Variants in DNAAF4 observed in about 807,000 individuals in gnomAD.
DNAAF4 encodes the protein dynein assembly factor 4, axonemal.
Under a neutral mutation model 51.8 loss-of-function variants are expected in DNAAF4, and 43 were observed. The ratio of observed to expected loss-of-function variants is 0.83; its 90% confidence interval spans 0.65 to 1.07. The LOEUF (loss-of-function observed/expected upper bound fraction) is 1.07, where lower values mean the gene tolerates loss of function less well. Among genes scored for constraint, DNAAF4 ranks in the 50% least tolerant of loss-of-function variants. The pLI is 0.00. For missense variants in DNAAF4, 581 were observed against 493.0 expected (o/e 1.18, Z -1.69); for synonymous variants, 194 against 165.6 (o/e 1.17, Z -1.32).
intron 4 of DNAAF4, among the ~76,000 whole-genome samples, chr15:55,488,885 G>A (rs1006569431): frequency 6.6e-6 from 1 of 152,056 alleles, no homozygotes; most frequent in African/African-American, 2.4e-5. Flanking sequence ...TTAGGAGAGC[G>A]AGACCATCCT....
At chr15:55,427,222 C>T (rs948188597), downstream of DNAAF4, among the ~76,000 whole-genome samples, 1 of 152,058 alleles carries the variant, frequency 6.6e-6, no homozygotes, top group Non-Finnish European at 1.5e-5. Flanking sequence ...CCCGCCACCA[C>T]ACCCGGCTGA....
At chr15:55,418,948 G>C (rs1468275233) in intron 7 of DNAAF4, among the ~76,000 whole-genome samples, 1 of 130,304 alleles carries the variant, frequency 7.7e-6, no homozygotes, top group African/African-American at 2.9e-5. Context: ...TGAGTGAGTT[G>C]GAGTCTCGCT....
rs141329117 is a variant in DNAAF4, at chr15:55,499,174, T to A, written c.-255-590A>T. On this transcript the variant is annotated intron_variant, in intron 1 of 9. Coordinates refer to ENST00000321149, the MANE Select transcript of DNAAF4 (RefSeq NM_130810.4). Reference sequence around the variant, plus strand: ...ACAAATGTGAACCTGAAAGAGCCAATCCGTCAACATCCAGAGCGGCTAACT... The same window carrying A: ...ACAAATGTGAACCTGAAAGAGCCAAACCGTCAACATCCAGAGCGGCTAACT... Among the ~76,000 whole-genome samples, 206 of 152,274 alleles carry A rather than the reference T, an allele frequency of 1.4e-3. 2 individuals are homozygous for A. Among genetic ancestry groups the A allele is most frequent in the African/African-American group, 4.7e-3 (197 of 41,554 alleles).
intron 7 of DNAAF4, among the ~76,000 whole-genome samples, chr15:55,438,797 A>C (rs2057660719): frequency 6.6e-6 from 1 of 152,034 alleles, no homozygotes. Flanking sequence ...AAAAAAAAAA[A>C]AGAAAAAAAA....
intron 4 of DNAAF4, among the ~76,000 whole-genome samples, chr15:55,486,179 T>C (rs865833481): frequency 2.0e-4 from 27 of 136,618 alleles, no homozygotes; most frequent in South Asian, 6.3e-4. Flanking sequence ...GTTTGTTTGG[T>C]TGGTTGGTTG....
At chr15:55,481,198 G>T (rs903353054) in intron 4 of DNAAF4, among the ~76,000 whole-genome samples, 20 of 152,002 alleles carry the variant, frequency 1.3e-4, no homozygotes, top group African/African-American at 4.3e-4. Flanking sequence ...ACTAATACAG[G>T]GACTGGATCT....
chr15:55,467,098 T>A lies in DNAAF4; in HGVS notation c.469A>T (p.Lys157Ter). The A allele has an allele frequency of 6.5e-7, 1 of 1,550,032 alleles. No homozygotes were observed. Among genetic ancestry groups the A allele is most frequent in the Non-Finnish European group, 8.7e-7 (1 of 1,149,380 alleles). Residue 157 changes from lysine to a stop codon, truncating the protein, a stop_gained, in exon 5 of 10, where the codon AAA becomes TAA. Coordinates refer to ENST00000321149, the MANE Select transcript of DNAAF4 (RefSeq NM_130810.4). LOFTEE classifies it high-confidence loss of function. ...TATTCTTTCCAGGCTTCCAATGCTT[T>A]AGTGGCTTTTATCCGTTCATTTTCT... ...MKENERIKATKALEAWKEYQR... is the reference protein window; with the variant it reads ...MKENERIKAT
intron 7 of DNAAF4, among the ~76,000 whole-genome samples, chr15:55,439,121 A>G (rs1383271173): frequency 1.3e-5 from 2 of 152,204 alleles, no homozygotes; most frequent in Non-Finnish European, 2.9e-5. Context: ...TTGTTCAAAG[A>G]CAGGGTCTCA....
At chr15:55,502,322 T>C (rs937485817) in intron 1 of DNAAF4, among the ~76,000 whole-genome samples, 1 of 152,148 alleles carries the variant, frequency 6.6e-6, no homozygotes, top group African/African-American at 2.4e-5. Context: ...CCCCAAATTA[T>C]GACACTTTAA....
chr15:55,437,538 C>A (rs1253707739), intron 7 of DNAAF4, among the ~76,000 whole-genome samples: 1 of 151,456 alleles, frequency 6.6e-6, no homozygotes, highest in Non-Finnish European at 1.5e-5. Context: ...ATATTCTAAT[C>A]CCAGAACCTA....
chr15:55,463,160 T>C (rs1231714119), intron 5 of DNAAF4, among the ~76,000 whole-genome samples: 1 of 129,256 alleles, frequency 7.7e-6, no homozygotes, highest in Non-Finnish European at 1.6e-5. Context: ...AGGAACACAG[T>C]GAGACTCTGT....
intron 6 of DNAAF4, among the ~76,000 whole-genome samples, chr15:55,449,068 C>T (rs1406501673): frequency 1.3e-5 from 2 of 150,348 alleles, no homozygotes; most frequent in East Asian, 4.1e-4. Context: ...TGGCTCATTG[C>T]AACCTCTGAC....
At chr15:55,435,556 C>T (rs1405458992) in intron 7 of DNAAF4, among the ~76,000 whole-genome samples, 1 of 152,064 alleles carries the variant, frequency 6.6e-6, no homozygotes, top group Non-Finnish European at 1.5e-5. Flanking sequence ...AGAAAGAAAC[C>T]GAGCCCTTCA....
intron 3 of DNAAF4, among the ~76,000 whole-genome samples, chr15:55,491,737 ATATAATATT>A (rs2058576963): frequency 3.6e-5 from 5 of 140,128 alleles, no homozygotes; most frequent in Non-Finnish European, 7.6e-5. Context: ...ATAATATAAT[ATATAATATT>A]ATATTATAAT....
intron 4 of DNAAF4, among the ~76,000 whole-genome samples, chr15:55,490,280 G>A (rs187909429): frequency 6.6e-6 from 1 of 151,844 alleles, no homozygotes; most frequent in Admixed American, 6.6e-5. Context: ...ATGGGGAGTG[G>A]CTGCTTAGGG....
intron 3 of DNAAF4, among the ~76,000 whole-genome samples, chr15:55,496,336 G>A (rs2058641022): frequency 6.6e-6 from 1 of 152,180 alleles, no homozygotes; most frequent in Non-Finnish European, 1.5e-5. Flanking sequence ...CCCAGAAACT[G>A]ATTTCACTGG....
In DNAAF4 at chr15:55,498,441, G is replaced by T. The variant is rs1423410936; in HGVS notation, c.-112C>A. ...CCCTTCCGGGTCAGGCCGGCCGGGA[G>T]CCCGGCGTTCCCAGCGTGCTCCGGC... On this transcript the variant is annotated 5_prime_UTR_variant, in exon 2 of 10. Coordinates refer to ENST00000321149, the MANE Select transcript of DNAAF4 (RefSeq NM_130810.4). The T allele has an allele frequency of 3.0e-5, 44 of 1,467,228 alleles. No individual in the cohort carries two copies. The highest frequency in any genetic ancestry group is 3.9e-5 in the Non-Finnish European group (43 of 1,109,342). 90.9% of individuals were successfully genotyped at this position (1,467,228 alleles called of 1,614,324 possible). A position where few individuals can be genotyped will look rare whatever the true frequency, so the allele number is the denominator to read the frequency against.
intron 4 of DNAAF4, among the ~76,000 whole-genome samples, chr15:55,485,976 C>T (rs1159162019): frequency 1.7e-4 from 20 of 117,572 alleles, no homozygotes; most frequent in Admixed American, 2.3e-4. Flanking sequence ...GCCTGGACAA[C>T]AGAGCGAGAC....
intron 1 of DNAAF4, among the ~76,000 whole-genome samples, chr15:55,501,627 G>A (rs1391565364): frequency 1.3e-5 from 2 of 151,418 alleles, no homozygotes; most frequent in Middle Eastern, 3.2e-3. Flanking sequence ...AACCCACCTC[G>A]GCCTCCCAAA....
Sources: gnomAD v4.1 joint callset for allele counts (sites outside exome capture counted in the v4.1 genomes callset) on GRCh38, gnomAD v4.1.1 for gene constraint, MANE v1.5 for transcripts, NCBI Gene and HGNC (gene_info 2026-07-23, HGNC 2026-07-21) for gene names.